TMEFF2: variants seen among roughly 807,000 people sequenced by gnomAD.
TMEFF2 encodes tomoregulin-2.
A neutral mutation model predicts 53.8 loss-of-function variants in TMEFF2; 28 were observed. The ratio of observed to expected loss-of-function variants is 0.52; its 90% confidence interval spans 0.39 to 0.71. TMEFF2 has a LOEUF of 0.71. Ranked by LOEUF, TMEFF2 falls within the 30% of genes least tolerant of loss-of-function variation. The pLI, the probability that TMEFF2 is intolerant of heterozygous loss-of-function variation, is 0.00. For missense variants in TMEFF2, 353 were observed against 455.2 expected (o/e 0.78, Z 2.04); for synonymous variants, 162 against 166.3 (o/e 0.97, Z 0.20).
rs143778087 is a variant in TMEFF2 at position 192,064,472 on chromosome 2, A to G, written c.440-6697T>C. On this transcript the variant is annotated intron_variant, in intron 4 of 9. Coordinates refer to ENST00000272771, the MANE Select transcript of TMEFF2 (RefSeq NM_016192.4). Reference sequence around the variant, plus strand: ...TCTATACTAATGAAGACCCCTGCCAATCGCTACTAAATGATTTGACGTCTG... The same window carrying G: ...TCTATACTAATGAAGACCCCTGCCAGTCGCTACTAAATGATTTGACGTCTG... Among the ~76,000 whole-genome samples the G allele has an allele frequency of 3.3e-3, 504 of 151,904 alleles. 4 individuals carry two copies. Among genetic ancestry groups the G allele is most frequent in the African/African-American group, 0.011 (474 of 41,516 alleles).
At position 192,075,326 on chromosome 2, in the gene TMEFF2, T is replaced by C. The variant is rs375811507; in HGVS notation, c.440-17551A>G. ...ATATATATATATATATATATATATA[T>C]ATATATACATACATACTATGTATAT... On this transcript the variant is annotated intron_variant, in intron 4 of 9. Transcript: ENST00000272771. Among the ~76,000 whole-genome samples the C allele has an allele frequency of 7.7e-3, 374 of 48,648 alleles. 16 individuals carry two copies. Among genetic ancestry groups the C allele is most frequent in the East Asian group, 0.018 (20 of 1,128 alleles). 31.9% of individuals were successfully genotyped at this position (48,648 alleles called of 152,430 possible). A position where few individuals can be genotyped will look rare whatever the true frequency, so the allele number is the denominator to read the frequency against.
At chr2:192,105,171 G>GT (rs1216004252) in intron 4 of TMEFF2, among the ~76,000 whole-genome samples, 3 of 151,832 alleles carry the variant, frequency 2.0e-5, no homozygotes, top group Non-Finnish European at 4.4e-5. Flanking sequence ...ACAAAGCTGT[G>GT]TTTTTTCCCC....
chr2:192,171,422 A>C (rs1690910654), intron 4 of TMEFF2, among the ~76,000 whole-genome samples: 1 of 151,388 alleles, frequency 6.6e-6, no homozygotes, highest in Admixed American at 6.6e-5. Context: ...TGTTCTCAAC[A>C]CAGCAGCCAG....
intron 4 of TMEFF2, among the ~76,000 whole-genome samples, chr2:192,075,306 T>TAA (rs1559115075): frequency 0.16 from 9,149 of 57,592 alleles, 823 homozygotes; most frequent in Non-Finnish European, 0.21. Context: ...TATATATATA[T>TAA]ATATATATAT....
At chr2:192,087,384 GAATT>G (rs934274824) in intron 4 of TMEFF2, among the ~76,000 whole-genome samples, 1 of 152,074 alleles carries the variant, frequency 6.6e-6, no homozygotes, top group African/African-American at 2.4e-5. Context: ...GAAATCTGAG[GAATT>G]AATATTGGTC....
intron 7 of TMEFF2, among the ~76,000 whole-genome samples, chr2:191,981,262 T>G (rs1685845719): frequency 6.6e-6 from 1 of 152,188 alleles, no homozygotes; most frequent in Non-Finnish European, 1.5e-5. Context: ...CATGAAACTA[T>G]TTGTCATTCC....
chr2:191,955,145 G>C (rs1274681515), intron 8 of TMEFF2, among the ~76,000 whole-genome samples: 1 of 98,082 alleles, frequency 1.0e-5, no homozygotes, highest in African/African-American at 3.6e-5. Context: ...GGGCGGGGAG[G>C]GGGGAGGGAG....
At chr2:192,171,583 T>C (rs761936755) in intron 4 of TMEFF2, among the ~76,000 whole-genome samples, 2 of 151,982 alleles carry the variant, frequency 1.3e-5, no homozygotes, top group Non-Finnish European at 2.9e-5. Context: ...CCAAGCATCT[T>C]CTCACTCATT....
At chr2:192,141,181 G>A (rs1174021103) in intron 4 of TMEFF2, among the ~76,000 whole-genome samples, 1 of 151,984 alleles carries the variant, frequency 6.6e-6, no homozygotes, top group African/African-American at 2.4e-5. Flanking sequence ...GGCCAGGCGC[G>A]GTGGCTCACG....
chr2:192,108,890 T>A (rs771917968), intron 4 of TMEFF2, among the ~76,000 whole-genome samples: 3 of 152,044 alleles, frequency 2.0e-5, no homozygotes, highest in Admixed American at 6.6e-5. Flanking sequence ...AGTGCTGATT[T>A]ATGTTACAAC....
chr2:191,991,092 T>G (rs1285992985), intron 7 of TMEFF2, among the ~76,000 whole-genome samples: 1 of 152,070 alleles, frequency 6.6e-6, no homozygotes, highest in African/African-American at 2.4e-5. Context: ...ATACATAAAT[T>G]ATGTTGACTA....
chr2:192,188,362 G>A lies in TMEFF2; in HGVS notation c.282+3518C>T, dbSNP rs560062024. Among the ~76,000 whole-genome samples, 5 of 152,178 alleles carry A rather than the reference G, an allele frequency of 3.3e-5. No homozygotes were observed. In the East Asian group the frequency reaches 7.8e-4, roughly 24 times the overall value. ...GCTATGAGGAAGACAAAACTTGCCCGTGCAAAGAGATCAACATGGAGAAGA... is the reference window on the plus strand; with the variant it reads ...GCTATGAGGAAGACAAAACTTGCCCATGCAAAGAGATCAACATGGAGAAGA... On this transcript the variant is annotated intron_variant, in intron 2 of 9. Coordinates refer to ENST00000272771, the MANE Select transcript of TMEFF2 (RefSeq NM_016192.4).
chr2:192,140,466 T>C (rs1288390912), intron 4 of TMEFF2, among the ~76,000 whole-genome samples: 1 of 152,172 alleles, frequency 6.6e-6, no homozygotes, highest in East Asian at 1.9e-4. Flanking sequence ...TACCACATTC[T>C]GTACTGGTCA....
chr2:192,178,223 G>A (rs759064984), intron 4 of TMEFF2: 3 of 150,540 alleles, frequency 2.0e-5, no homozygotes, highest in Non-Finnish European at 4.5e-5. Context: ...CCTTACAAAA[G>A]CAACATTTTA....
intron 7 of TMEFF2, among the ~76,000 whole-genome samples, chr2:191,994,760 G>C (rs1686183718): frequency 1.3e-5 from 2 of 151,962 alleles, no homozygotes; most frequent in Admixed American, 1.3e-4. Context: ...TGTGGGTGTA[G>C]AGACAGACCT....
chr2:192,042,253 G>A (rs1398897403), intron 5 of TMEFF2, among the ~76,000 whole-genome samples: 1 of 152,064 alleles, frequency 6.6e-6, no homozygotes, highest in African/African-American at 2.4e-5. Context: ...ATTTGAGAAA[G>A]TTTGAAATAT....
intron 7 of TMEFF2, among the ~76,000 whole-genome samples, chr2:191,967,213 G>C (rs978248139): frequency 1.3e-5 from 2 of 152,084 alleles, no homozygotes; most frequent in African/African-American, 4.8e-5. Context: ...ATTATGCAAT[G>C]CTAGATACCT....
intron 5 of TMEFF2, among the ~76,000 whole-genome samples, chr2:192,045,070 C>T (rs1339282097): frequency 6.6e-6 from 1 of 152,198 alleles, no homozygotes; most frequent in East Asian, 1.9e-4. Context: ...CCGCCTGCTT[C>T]TGTGGCCTCA....
intron 4 of TMEFF2, among the ~76,000 whole-genome samples, chr2:192,109,285 A>T (rs1046342815): frequency 6.6e-6 from 1 of 152,094 alleles, no homozygotes; most frequent in Admixed American, 6.6e-5. Context: ...ATTGATTTTT[A>T]AAAAATCAGC....
Sources: allele counts gnomAD v4.1 joint callset (sites outside exome capture counted in the v4.1 genomes callset), GRCh38; gene constraint gnomAD v4.1.1; transcripts MANE v1.5; gene names NCBI Gene and HGNC (gene_info 2026-07-23, HGNC 2026-07-21).